The following IQCM variants were observed in gnomAD, a reference collection of about 807,000 sequenced individuals.
IQCM encodes the protein IQ domain-containing protein M.
IQCM carries 45 observed loss-of-function variants against 57.6 expected under a neutral mutation model. The observed-to-expected ratio is 0.78, with a 90% CI of 0.62 to 1.00. The LOEUF (loss-of-function observed/expected upper bound fraction) is 1.00. Ranked by LOEUF, IQCM falls within the 50% of genes least tolerant of loss-of-function variation. IQCM has a pLI of 0.00. For synonymous variants in IQCM, 148 were observed against 158.9 expected (o/e 0.93, Z 0.51); for missense variants, 468 against 511.6 (o/e 0.91, Z 0.82).
At position 149,555,403 on chromosome 4, in the gene IQCM, A is replaced by G. The variant is rs538350342; in HGVS notation, c.949-2116T>C. ...TGAACTTCATCCATTATCTCCACCA[A>G]TCCCAAACTTTGAATGGAAACAAAT... On this transcript the variant is annotated intron_variant, in intron 10 of 13. Transcript: ENST00000636793. 5.9e-5 allele frequency among the ~76,000 whole-genome samples: 9 copies of G among 152,282 alleles called. No homozygotes were observed. In the East Asian group the frequency reaches 1.5e-3, roughly 26 times the overall value.
chr4:149,515,090 G>GTGTGTGTC (rs1392563386), intron 12 of IQCM, among the ~76,000 whole-genome samples: 5 of 151,682 alleles, frequency 3.3e-5, no homozygotes, highest in African/African-American at 9.7e-5. Flanking sequence ...GTGTGTGTGT[G>GTGTGTGTC]TGTGTGTGTG....
chr4:149,719,616 T>C (rs1765280067), intron 5 of IQCM, among the ~76,000 whole-genome samples: 1 of 152,162 alleles, frequency 6.6e-6, no homozygotes, highest in African/African-American at 2.4e-5. Flanking sequence ...ATAAACAATG[T>C]CATCAGTACT....
chr4:149,502,922 A>T (rs1320899068), intron 12 of IQCM, among the ~76,000 whole-genome samples: 1 of 152,028 alleles, frequency 6.6e-6, no homozygotes, highest in Non-Finnish European at 1.5e-5. Flanking sequence ...ATACCAGAAA[A>T]AATTTGATTA....
rs114405551 is a variant in IQCM at position 149,798,095 on chromosome 4, C to T, written c.-49+17216G>A. 1.3e-3 allele frequency among the ~76,000 whole-genome samples: 191 copies of T among 152,022 alleles called. 2 individuals carry two copies. Among genetic ancestry groups the T allele is most frequent in the African/African-American group, 4.3e-3 (180 of 41,520 alleles). On this transcript the variant is annotated intron_variant, in intron 2 of 13. Transcript: ENST00000636793. ...ACTACTTTTGTCATAAGTAGAAAAACTAGTAATGAACCAATCAAAAATAAT... is the reference window on the plus strand; with the variant it reads ...ACTACTTTTGTCATAAGTAGAAAAATTAGTAATGAACCAATCAAAAATAAT...
At chr4:149,452,117 T>C (rs912999206) in intron 12 of IQCM, among the ~76,000 whole-genome samples, 4 of 151,698 alleles carry the variant, frequency 2.6e-5, no homozygotes, top group African/African-American at 4.8e-5. Flanking sequence ...ATATTAAACA[T>C]AGAAGTATAA....
At chr4:149,511,661 CT>C (rs1231134455) in intron 12 of IQCM, among the ~76,000 whole-genome samples, 4 of 152,170 alleles carry the variant, frequency 2.6e-5, no homozygotes, top group African/African-American at 9.6e-5. Context: ...TTGTCCTCCC[CT>C]GTCATAGACC....
chr4:149,813,623 A>T (rs1021787020), intron 2 of IQCM, among the ~76,000 whole-genome samples: 1 of 152,082 alleles, frequency 6.6e-6, no homozygotes, highest in African/African-American at 2.4e-5. Context: ...GATAAAAGCT[A>T]TCTGAGAAGT....
intron 13 of IQCM, among the ~76,000 whole-genome samples, chr4:149,356,926 C>A (rs1729038531): frequency 6.6e-6 from 1 of 152,122 alleles, no homozygotes; most frequent in East Asian, 1.9e-4. Context: ...TTCATTGAGC[C>A]ATGGTTTATA....
At chr4:149,519,627 C>A (rs890038715) in intron 12 of IQCM, among the ~76,000 whole-genome samples, 94 of 151,762 alleles carry the variant, frequency 6.2e-4, no homozygotes, top group African/African-American at 2.1e-3. Flanking sequence ...GCCTGGGCAA[C>A]AGAGCGAGAC....
At chr4:149,599,954 T>C (rs367873007) in intron 8 of IQCM, among the ~76,000 whole-genome samples, 2 of 151,112 alleles carry the variant, frequency 1.3e-5, no homozygotes, top group African/African-American at 2.4e-5. Flanking sequence ...TGTGTTCATA[T>C]TGATGTTGAA....
intron 12 of IQCM, among the ~76,000 whole-genome samples, chr4:149,494,823 A>G (rs748604487): frequency 4.6e-5 from 7 of 152,126 alleles, no homozygotes; most frequent in Non-Finnish European, 8.8e-5. Flanking sequence ...TTCAAAGCAC[A>G]GTAGTCATGG....
chr4:149,515,861 A>G (rs1214463024), intron 12 of IQCM, among the ~76,000 whole-genome samples: 1 of 152,214 alleles, frequency 6.6e-6, no homozygotes, highest in African/African-American at 2.4e-5. Flanking sequence ...GACCTCTCGG[A>G]GTGGTCAAAA....
At chr4:149,592,278 C>T (rs1456243100) in intron 8 of IQCM, among the ~76,000 whole-genome samples, 3 of 152,146 alleles carry the variant, frequency 2.0e-5, no homozygotes, top group Admixed American at 2.0e-4. Flanking sequence ...TGTTCATATC[C>T]TTCACCCACT....
intron 12 of IQCM, among the ~76,000 whole-genome samples, chr4:149,508,915 A>G (rs2149805179): frequency 6.6e-6 from 1 of 152,312 alleles, no homozygotes; most frequent in Non-Finnish European, 1.5e-5. Flanking sequence ...TGCTGTTCTC[A>G]TGATAGTGAA....
intron 5 of IQCM, among the ~76,000 whole-genome samples, chr4:149,707,724 T>C (rs984349986): frequency 3.3e-5 from 5 of 152,014 alleles, no homozygotes; most frequent in Admixed American, 2.0e-4. Flanking sequence ...CTATAAGTAA[T>C]AATGTTCTTG....
intron 13 of IQCM, among the ~76,000 whole-genome samples, chr4:149,423,492 C>T (rs1233768903): frequency 1.3e-5 from 2 of 151,976 alleles, no homozygotes; most frequent in African/African-American, 4.8e-5. Context: ...TGAGTGGACT[C>T]TTTCTGTGAG....
chr4:149,800,720 A>T (rs1464116911), intron 2 of IQCM, among the ~76,000 whole-genome samples: 2 of 151,940 alleles, frequency 1.3e-5, no homozygotes, highest in Non-Finnish European at 2.9e-5. Context: ...TGAAAAATGG[A>T]TCAAAAAGTA....
chr4:149,466,244 G>A (rs1738847069), intron 12 of IQCM, among the ~76,000 whole-genome samples: 1 of 152,190 alleles, frequency 6.6e-6, no homozygotes, highest in Non-Finnish European at 1.5e-5. Flanking sequence ...GTTGAGTGAA[G>A]GAAGTACACT....
chr4:149,708,468 T>TA (rs148505133), intron 5 of IQCM, among the ~76,000 whole-genome samples: 6,243 of 151,752 alleles, frequency 0.041, 203 homozygotes, highest in Non-Finnish European at 0.068. Flanking sequence ...AGTATACCAA[T>TA]AAAAAATCTT....
Sources: allele counts gnomAD v4.1 joint callset (sites outside exome capture counted in the v4.1 genomes callset), GRCh38; gene constraint gnomAD v4.1.1; transcripts MANE v1.5; gene names NCBI Gene and HGNC (gene_info 2026-07-23, HGNC 2026-07-21).